Variants in BCL9 observed in about 807,000 individuals in gnomAD.
BCL9 encodes the protein BCL9 transcription coactivator, also known as B-cell CLL/lymphoma 9 protein.
A neutral mutation model predicts 88.5 loss-of-function variants in BCL9; 25 were observed. The observed-to-expected ratio is 0.28, with a 90% confidence interval of 0.21 to 0.39. The LOEUF (loss-of-function observed/expected upper bound fraction) is 0.39, where lower values mean the gene tolerates loss of function less well. Among genes scored for constraint, BCL9 ranks in the 10% least tolerant of loss-of-function variants. BCL9 has a pLI of 1.00. For missense variants in BCL9, 1,817 were observed against 1,877.8 expected (o/e 0.97, Z 0.60); for synonymous variants, 711 against 673.3 (o/e 1.06, Z -0.87).
intron 1 of BCL9, among the ~76,000 whole-genome samples, chr1:147,572,820 C>G (rs2101532944): frequency 6.6e-6 from 1 of 152,288 alleles, no homozygotes; most frequent in Admixed American, 6.5e-5. Flanking sequence ...CCTCAAGTGA[C>G]CCACCCACCT....
chr1:147,576,125 A>G (rs1553198042), intron 1 of BCL9, among the ~76,000 whole-genome samples: 2 of 152,216 alleles, frequency 1.3e-5, no homozygotes, highest in East Asian at 1.9e-4. Context: ...AATCATTGCT[A>G]TTTAATCTTG....
At chr1:147,581,640 T>G (rs61838383) in intron 1 of BCL9, among the ~76,000 whole-genome samples, 135,801 of 152,236 alleles carry the variant, frequency 0.89, 60,737 homozygotes, top group African/African-American at 0.97. Flanking sequence ...AGGACCTACG[T>G]CAGCTCTTTA....
At chr1:147,587,326 C>G (rs645388) in intron 1 of BCL9, among the ~76,000 whole-genome samples, 33,281 of 152,032 alleles carry the variant, frequency 0.22, 7,325 homozygotes, top group African/African-American at 0.55. Flanking sequence ...GGACCTAGCC[C>G]GGAGTCCACA....
chr1:147,575,294 G>T (rs1451220169), intron 1 of BCL9, among the ~76,000 whole-genome samples: 1 of 152,148 alleles, frequency 6.6e-6, no homozygotes, highest in Non-Finnish European at 1.5e-5. Flanking sequence ...GACCATGTTG[G>T]TTTCCTGACA....
At chr1:147,605,315 A>C (rs1284877511) in intron 2 of BCL9, among the ~76,000 whole-genome samples, 2 of 152,184 alleles carry the variant, frequency 1.3e-5, no homozygotes, top group African/African-American at 4.8e-5. Context: ...CAGTGCCCTC[A>C]GAGAGTTCCG....
chr1:147,563,583 G>A (rs1655478732), intron 1 of BCL9, among the ~76,000 whole-genome samples: 1 of 152,182 alleles, frequency 6.6e-6, no homozygotes, highest in Non-Finnish European at 1.5e-5. Flanking sequence ...CATCACTTCA[G>A]TGCTTCTGCC....
intron 1 of BCL9, among the ~76,000 whole-genome samples, chr1:147,542,511 TCA>T (rs1654379912): frequency 1.3e-5 from 2 of 152,292 alleles, no homozygotes; most frequent in South Asian, 2.1e-4. Context: ...TGCTGTGGAA[TCA>T]CAGAGTAGAA....
At chr1:147,577,834 A>ATGTGTGTG (rs67428703) in intron 1 of BCL9, among the ~76,000 whole-genome samples, 12,080 of 140,952 alleles carry the variant, frequency 0.086, 648 homozygotes, top group African/African-American at 0.14. Context: ...TTTTCTACCA[A>ATGTGTGTG]TGTGTGTGTG....
intron 9 of BCL9, among the ~76,000 whole-genome samples, chr1:147,623,363 G>A (rs1349521002): frequency 1.3e-5 from 2 of 152,030 alleles, no homozygotes; most frequent in Non-Finnish European, 2.9e-5. Flanking sequence ...GTGGAATCTC[G>A]AGTTTTAAAT....
chr1:147,587,628 T>C (rs1349205581), intron 1 of BCL9, among the ~76,000 whole-genome samples: 4 of 152,208 alleles, frequency 2.6e-5, no homozygotes, highest in Admixed American at 1.3e-4. Context: ...AACAACCTCA[T>C]TTAAGGGGTT....
intron 1 of BCL9, among the ~76,000 whole-genome samples, chr1:147,572,318 G>A (rs1263982067): frequency 6.6e-6 from 1 of 152,206 alleles, no homozygotes; most frequent in African/African-American, 2.4e-5. Context: ...ACACAATTCT[G>A]TCCTGGAGTT....
rs1461338038 is a variant in BCL9, at chr1:147,625,507, T to C, written c.*548T>C. The C allele has an allele frequency of 2.5e-5, 5 of 201,858 alleles. No individual in the cohort carries two copies. The East Asian group carries it at 3.6e-4, about 14-fold the overall frequency. 12.5% of individuals were successfully genotyped at this position (201,858 alleles called of 1,614,324 possible). A position where few individuals can be genotyped will look rare whatever the true frequency, so the allele number is the denominator to read the frequency against. ...GGACTATTTTCTTTCAACTGCAGTG[T>C]ATAGAAAAACCAAACTACGACCTCA... On this transcript the variant is annotated 3_prime_UTR_variant, in exon 10 of 10. Coordinates refer to ENST00000234739, the MANE Select transcript of BCL9 (RefSeq NM_004326.4).
rs1658916928 is a variant in BCL9 at position 147,625,820 on chromosome 1, TAC to T, written c.*865_*866del. On this transcript the variant is annotated 3_prime_UTR_variant, in exon 10 of 10. Transcript: ENST00000234739. ...CTCTCTTTCCCTTTGGCAGCTGCAA[TAC>T]ACAGTGTTATTTTGGGGAAATAAAT... 1 of 232,090 alleles carries T rather than the reference TAC, an allele frequency of 4.3e-6. No homozygotes were observed. The highest frequency in any genetic ancestry group is 8.5e-6 in the Non-Finnish European group (1 of 117,218). The allele number at this position is 232,090 out of a possible 1,614,324, so 14.4% of individuals were successfully genotyped here. A position where few individuals can be genotyped will look rare whatever the true frequency, so the allele number is the denominator to read the frequency against.
chr1:147,554,291 G>T (rs1231064033), intron 1 of BCL9, among the ~76,000 whole-genome samples: 7 of 152,204 alleles, frequency 4.6e-5, no homozygotes, highest in African/African-American at 1.7e-4. Flanking sequence ...TTCCAGGGAA[G>T]AACAACAGAC....
At chr1:147,600,639 G>A (rs12059427) in intron 1 of BCL9, among the ~76,000 whole-genome samples, 10,894 of 152,040 alleles carry the variant, frequency 0.072, 954 homozygotes, top group African/African-American at 0.21. Context: ...AGGAGAGTGA[G>A]GACAGTCCCA....
intron 1 of BCL9, among the ~76,000 whole-genome samples, chr1:147,598,060 C>T (rs1022954320): frequency 6.6e-6 from 1 of 152,200 alleles, no homozygotes; most frequent in East Asian, 1.9e-4. Context: ...CTCTTATAGA[C>T]AAGTTCTGTG....
chr1:147,562,297 CCA>C (rs1321028542), intron 1 of BCL9, among the ~76,000 whole-genome samples: 7 of 151,998 alleles, frequency 4.6e-5, no homozygotes, highest in Admixed American at 1.3e-4. Flanking sequence ...CCATTGCACT[CCA>C]GACTGGACAA....
chr1:147,561,248 G>A (rs1245255781), intron 1 of BCL9, among the ~76,000 whole-genome samples: 1 of 152,154 alleles, frequency 6.6e-6, no homozygotes, highest in African/African-American at 2.4e-5. Flanking sequence ...AAGGGAGATG[G>A]TTTTACATTA....
At chr1:147,614,719 G>A in intron 6 of BCL9, 103 bp downstream of exon 6, 1 of 1,262,748 alleles carries the variant, frequency 7.9e-7, no homozygotes. Flanking sequence ...AAAGTTAACA[G>A]TACAGATAAA....
Sources: allele counts gnomAD v4.1 joint callset (sites outside exome capture counted in the v4.1 genomes callset), GRCh38; gene constraint gnomAD v4.1.1; transcripts MANE v1.5; gene names NCBI Gene and HGNC (gene_info 2026-07-23, HGNC 2026-07-21).